The following DMD variants were observed in gnomAD, a reference collection of about 807,000 sequenced individuals.
DMD encodes the protein dystrophin.
In DMD, 63 loss-of-function variants were observed where a neutral mutation model predicts 330.1. That is an observed-to-expected ratio of 0.19 (90% CI 0.16 to 0.24). DMD has a LOEUF of 0.24. Ranked by LOEUF, DMD falls within the 10% of genes least tolerant of loss-of-function variation. The pLI, the probability that DMD is intolerant of heterozygous loss-of-function variation, is 1.00. For synonymous variants in DMD, 1,223 were observed against 959.8 expected (o/e 1.27, Z -5.07); for missense variants, 3,344 against 2,684.1 (o/e 1.25, Z -5.43).
At chrX:31,138,729 T>G (rs1267105169) in intron 76 of DMD, among the ~76,000 whole-genome samples, 1 of 104,433 alleles carries the variant, frequency 9.6e-6, no homozygotes, top group African/African-American at 3.6e-5. Flanking sequence ...TCAGCTCTCC[T>G]GAGAACTCAC....
At chrX:32,037,584 G>A (rs780216330) in intron 44 of DMD, among the ~76,000 whole-genome samples, 12 of 111,212 alleles carry the variant, frequency 1.1e-4, no homozygotes, top group Non-Finnish European at 1.5e-4. Flanking sequence ...AAGTGTAACC[G>A]TGCATAAATA....
chrX:32,888,676 T>G (rs1030997677), intron 2 of DMD, among the ~76,000 whole-genome samples: 1 of 111,832 alleles, frequency 8.9e-6, no homozygotes, highest in African/African-American at 3.3e-5. Flanking sequence ...CCTAAGGAAA[T>G]GACATCAGTA....
chrX:31,303,511 G>A (rs1232464766), intron 62 of DMD, among the ~76,000 whole-genome samples: 1 of 111,110 alleles, frequency 9.0e-6, no homozygotes, highest in Admixed American at 9.6e-5. Context: ...TTCTCTTTGC[G>A]CCCTTCCTCC....
intron 45 of DMD, among the ~76,000 whole-genome samples, chrX:31,938,978 A>G (rs2094958047): frequency 9.0e-6 from 1 of 111,313 alleles, no homozygotes; most frequent in Non-Finnish European, 1.9e-5. Context: ...GTTTACTTCT[A>G]CAAGCCTCCA....
chrX:32,779,875 AAAAG>A (rs2074544237), intron 7 of DMD, among the ~76,000 whole-genome samples: 1 of 111,797 alleles, frequency 8.9e-6, no homozygotes, highest in Non-Finnish European at 1.9e-5. Context: ...AAAAATCAAA[AAAAG>A]AAAAATTTTA....
At chrX:31,338,719 T>TG (rs2057545725) in intron 61 of DMD, among the ~76,000 whole-genome samples, 1 of 110,745 alleles carries the variant, frequency 9.0e-6, no homozygotes, top group South Asian at 3.9e-4. Flanking sequence ...GCAACTATCT[T>TG]GGTTTGCCTG....
rs575625545 is a variant in DMD at position 31,461,449 on chromosome X, T to C, written c.8937+16657A>G. 5.4e-5 allele frequency among the ~76,000 whole-genome samples: 6 copies of C among 111,826 alleles called. No individual in the cohort carries two copies. The South Asian group carries it at 2.3e-3, about 42-fold the overall frequency. On this transcript the variant is annotated intron_variant, in intron 59 of 78. Transcript: ENST00000357033. ...CCCTCCAGGTGATTCTGATGTATGC[T>C]GAGGTGAGAACCATTGCCACTGAAA...
chrX:31,447,990 G>A (rs1353947655), intron 59 of DMD, among the ~76,000 whole-genome samples: 3 of 85,030 alleles, frequency 3.5e-5, no homozygotes, highest in Non-Finnish European at 6.5e-5. Flanking sequence ...CAGCCTGGGT[G>A]ACCCAGCAAG....
At chrX:33,286,230 T>A (rs1035185112) in intron 1 of DMD, among the ~76,000 whole-genome samples, 1 of 112,040 alleles carries the variant, frequency 8.9e-6, no homozygotes, top group African/African-American at 3.2e-5. Flanking sequence ...TTGTTTTATA[T>A]ATCTAGAATT....
At chrX:33,010,237 T>TGTGTATATGTGC (rs2093667443) in intron 2 of DMD, among the ~76,000 whole-genome samples, 1 of 107,522 alleles carries the variant, frequency 9.3e-6, no homozygotes, top group East Asian at 3.0e-4. Context: ...TGTATATATG[T>TGTGTATATGTGC]ACATATGTGT....
intron 62 of DMD, among the ~76,000 whole-genome samples, chrX:31,295,938 C>T (rs772938087): frequency 4.6e-5 from 5 of 108,621 alleles, no homozygotes; most frequent in Admixed American, 3.0e-4. Context: ...AAGTATTAAG[C>T]GTACAGAAGC....
chrX:33,331,143 G>A (rs1011245175), intron 1 of DMD, among the ~76,000 whole-genome samples: 1 of 111,556 alleles, frequency 9.0e-6, no homozygotes. Flanking sequence ...TCAGTTGGTG[G>A]GCTCTAATCC....
chrX:31,954,908 T>C (rs1405813524), intron 45 of DMD, among the ~76,000 whole-genome samples: 1 of 108,709 alleles, frequency 9.2e-6, no homozygotes, highest in Admixed American at 9.9e-5. Context: ...GGCTCATGCC[T>C]GTAATCCCCG....
Position 33,186,666 on chromosome X carries a change from GA to G in DMD, c.31+24615del, listed in dbSNP as rs202025699. Among the ~76,000 whole-genome samples, 6 of 110,613 alleles carry G rather than the reference GA, an allele frequency of 5.4e-5. No individual in the cohort carries two copies. The East Asian group carries it at 1.7e-3, about 31-fold the overall frequency. On this transcript the variant is annotated intron_variant, in intron 1 of 78. Coordinates refer to ENST00000357033, the MANE Select transcript of DMD (RefSeq NM_004006.3). ...TTTTCACAATAAAATGCTCACTGGAGAAACTTTGAAAAAAATAAAAATGTAA... is the reference window on the plus strand; with the variant it reads ...TTTTCACAATAAAATGCTCACTGGAGAACTTTGAAAAAAATAAAAATGTAA...
chrX:31,811,270 C>A (rs1386238366), intron 50 of DMD, among the ~76,000 whole-genome samples: 1 of 112,198 alleles, frequency 8.9e-6, no homozygotes. Context: ...AACAATGATG[C>A]CACTGTAGTG....
intron 62 of DMD, among the ~76,000 whole-genome samples, chrX:31,276,614 C>T (rs2052143977): frequency 8.9e-6 from 1 of 111,919 alleles, no homozygotes; most frequent in Admixed American, 9.5e-5. Flanking sequence ...CAAAGGAATG[C>T]ATACATATAT....
chrX:32,389,849 A>T (rs1336593386), intron 31 of DMD, among the ~76,000 whole-genome samples, 175 bp from the exon 32 acceptor site: 6 of 111,964 alleles, frequency 5.4e-5, no homozygotes, highest in Non-Finnish European at 3.8e-5. Context: ...TGGGAGAATG[A>T]TTCAGTAGTT....
At chrX:32,258,495 G>T (rs1206683920) in intron 43 of DMD, among the ~76,000 whole-genome samples, 1 of 111,184 alleles carries the variant, frequency 9.0e-6, no homozygotes, top group Admixed American at 9.6e-5. Flanking sequence ...AAAAAAGAAT[G>T]AGTTCATGTC....
intron 53 of DMD, among the ~76,000 whole-genome samples, chrX:31,675,915 T>G (rs1197244018): frequency 8.9e-6 from 1 of 112,646 alleles, no homozygotes; most frequent in Admixed American, 9.4e-5. Flanking sequence ...TTAGCAATTA[T>G]GAATCATTAA....
Sources: allele counts gnomAD v4.1 joint callset (sites outside exome capture counted in the v4.1 genomes callset), GRCh38; gene constraint gnomAD v4.1.1; transcripts MANE v1.5; gene names NCBI Gene and HGNC (gene_info 2026-07-23, HGNC 2026-07-21).